Variants in ZNF678 observed in about 807,000 individuals in gnomAD.
The protein encoded by ZNF678 is hypothetical protein MGC42493.
ZNF678 carries 5 observed loss-of-function variants against 3.0 expected under a neutral mutation model. The ratio of observed to expected loss-of-function variants is 1.69; its 90% confidence interval spans 0.88 to 3.56. The LOEUF (loss-of-function observed/expected upper bound fraction) is 3.56, where lower values mean the gene tolerates loss of function less well. ZNF678 is among the 30% of genes most tolerant of loss of function. The pLI, the probability that ZNF678 is intolerant of heterozygous loss-of-function variation, is 0.00. For synonymous variants in ZNF678, 218 were observed against 199.6 expected, an observed-to-expected ratio of 1.09 and a Z score of -0.78; for missense variants, 593 against 605.0, an observed-to-expected ratio of 0.98 and a Z score of 0.21.
chr1:227,598,681 T>C (rs911119767), intron 1 of ZNF678: 11 of 524,694 alleles, frequency 2.1e-5, no homozygotes, highest in Non-Finnish European at 3.8e-5. Flanking sequence ...TCTTTTGACT[T>C]CTTTTTCTTT....
chr1:227,578,005 G>A (rs1291712559), intron 1 of ZNF678, among the ~76,000 whole-genome samples: 1 of 152,004 alleles, frequency 6.6e-6, no homozygotes. Flanking sequence ...ATCTTAATTT[G>A]GCCGAATATG....
intron 1 of ZNF678, among the ~76,000 whole-genome samples, chr1:227,591,499 C>A (rs190081153): frequency 3.9e-5 from 6 of 152,268 alleles, no homozygotes; most frequent in African/African-American, 1.4e-4. Context: ...AGAACCACAT[C>A]CTATTTTTAA....
Position 227,655,770 on chromosome 1 carries a change from A to G in ZNF678, c.1520A>G (p.Tyr507Cys). 1 of 1,603,476 alleles carries G rather than the reference A, an allele frequency of 6.2e-7. No individual in the cohort carries two copies. Among genetic ancestry groups the G allele is most frequent in the South Asian group, 1.1e-5 (1 of 88,928 alleles). ...TACCAATCCTCAATCCATAGTAAGT[A>G]TAAGAGAATTTATACTGGAGAGGAA... Reference protein sequence around the residue: ...GFYQSSIHSKYKRIYTGEEPD... With the variant: ...GFYQSSIHSKCKRIYTGEEPD... The change falls in exon 4 of 4, where the codon TAT becomes TGT. Residue 507 changes from tyrosine (Y) to cysteine (C), a missense_variant. Tyr to Cys is a radical substitution (Grantham distance 194). Coordinates refer to ENST00000343776, the MANE Select transcript of ZNF678 (RefSeq NM_001367909.1).
At chr1:227,585,787 A>G (rs532879350) in intron 1 of ZNF678, among the ~76,000 whole-genome samples, 2 of 152,024 alleles carry the variant, frequency 1.3e-5, no homozygotes, top group Non-Finnish European at 1.5e-5. Context: ...CCAAAAAAAA[A>G]CAAAAATGTG....
chr1:227,563,600 C>T lies in ZNF678; in HGVS notation c.-288C>T, dbSNP rs545789165. 14 of 1,047,518 alleles carry T rather than the reference C, an allele frequency of 1.3e-5. No homozygotes were observed. The highest frequency in any genetic ancestry group is 5.9e-5 in the East Asian group (1 of 16,860). 64.9% of individuals were successfully genotyped at this position (1,047,518 alleles called of 1,614,324 possible). On this transcript the variant is annotated 5_prime_UTR_variant, in exon 1 of 4. Transcript: ENST00000343776. The stretch of plus-strand genomic sequence containing the variant: ...TGGAGCTTTGGTCCCGTATTCTCGG[C>T]TATTTATCCCCAGCTGCGGGAGGCC...
chr1:227,645,749 G>C (rs910935966), intron 1 of ZNF678, among the ~76,000 whole-genome samples: 2 of 152,170 alleles, frequency 1.3e-5, no homozygotes, highest in African/African-American at 4.8e-5. Context: ...TGCTATCATA[G>C]CAATGATGTT....
At chr1:227,598,669 C>G in intron 1 of ZNF678, 1 of 532,350 alleles carries the variant, frequency 1.9e-6, no homozygotes, top group Non-Finnish European at 3.4e-6. Context: ...TTCTCCGTTG[C>G]ATCTTTTGAC....
intron 1 of ZNF678, among the ~76,000 whole-genome samples, chr1:227,604,886 C>T (rs545444643): frequency 5.9e-5 from 9 of 151,742 alleles, no homozygotes; most frequent in African/African-American, 1.9e-4. Flanking sequence ...GATGGAATTT[C>T]GTTTTGTCGC....
At chr1:227,611,336 A>G (rs1032599440) in intron 1 of ZNF678, among the ~76,000 whole-genome samples, 5 of 152,192 alleles carry the variant, frequency 3.3e-5, no homozygotes, top group Non-Finnish European at 5.9e-5. Context: ...ACAAGATTCA[A>G]GGACCTGCCA....
intron 1 of ZNF678, among the ~76,000 whole-genome samples, chr1:227,601,889 A>T (rs553816586): frequency 3.0e-4 from 46 of 152,230 alleles, no homozygotes; most frequent in African/African-American, 9.9e-4. Flanking sequence ...GGTGTATAGA[A>T]ATGCTAGTAA....
chr1:227,642,352 C>G lies in ZNF678; in HGVS notation c.-163-4192C>G, dbSNP rs115926579. On this transcript the variant is annotated intron_variant, in intron 1 of 3. Transcript: ENST00000343776. ...GGTAGAGCACCCTGTCTCAGAGTTT[C>G]TTTTGGAGAGTAAAGCCTACCTTCA... Among the ~76,000 whole-genome samples the G allele has an allele frequency of 4.0e-3, 615 of 152,294 alleles. 5 individuals carry two copies. Among genetic ancestry groups the G allele is most frequent in the African/African-American group, 0.014 (567 of 41,544 alleles).
rs1558158924 is a variant in ZNF678, at chr1:227,655,849, G to C, written c.*21G>C. ...TTTAAAAACTGCTTCATTATACATG[G>C]CTTCACTAATTTCATACTGAATAAA... is the stretch of plus-strand genomic sequence containing the variant. On this transcript the variant is annotated 3_prime_UTR_variant, in exon 4 of 4. Coordinates refer to ENST00000343776, the MANE Select transcript of ZNF678 (RefSeq NM_001367909.1). 6.5e-7 allele frequency: 1 copy of C among 1,537,940 alleles called. No homozygotes were observed. Among genetic ancestry groups the C allele is most frequent in the Non-Finnish European group, 8.7e-7 (1 of 1,148,310 alleles).
chr1:227,670,354 C>A (rs1387519696), intron 5 of ZNF678, among the ~76,000 whole-genome samples: 2 of 152,140 alleles, frequency 1.3e-5, no homozygotes, highest in African/African-American at 4.8e-5. Context: ...CTTAATAAAT[C>A]TGAATAAAGA....
chr1:227,607,126 G>A (rs1030822500), intron 1 of ZNF678, among the ~76,000 whole-genome samples: 1 of 152,078 alleles, frequency 6.6e-6, no homozygotes, highest in African/African-American at 2.4e-5. Flanking sequence ...ATTTTTAATT[G>A]ATTTAATCTC....
At chr1:227,574,526 G>GT (rs1306866601) in intron 1 of ZNF678, among the ~76,000 whole-genome samples, 1 of 150,204 alleles carries the variant, frequency 6.7e-6, no homozygotes, top group East Asian at 1.9e-4. Context: ...TTGTGTTTTG[G>GT]TTTTTTTTAA....
At chr1:227,643,631 T>C (rs1269628027) in intron 1 of ZNF678, among the ~76,000 whole-genome samples, 1 of 152,184 alleles carries the variant, frequency 6.6e-6, no homozygotes, top group Non-Finnish European at 1.5e-5. Context: ...GAAGACTATA[T>C]TTTGGTGCCT....
In ZNF678 at chr1:227,638,497, G is replaced by A. The variant is rs1250534089; in HGVS notation, c.-163-8047G>A. On this transcript the variant is annotated intron_variant, in intron 1 of 3. Transcript: ENST00000343776. This position sits in a 1 kb window ranked among gnomAD's most constrained non-coding sequence, Gnocchi z 4.2. The stretch of plus-strand genomic sequence containing the variant: ...GGGATGGGATACTGCTTCTGTGATA[G>A]AAACTGGGTGGGCTCTTTAAGGGTA... Among the ~76,000 whole-genome samples the A allele has an allele frequency of 6.6e-6, 1 of 152,212 alleles. No homozygotes were observed. Among genetic ancestry groups the A allele is most frequent in the East Asian group, 1.9e-4 (1 of 5,188 alleles).
intron 1 of ZNF678, among the ~76,000 whole-genome samples, chr1:227,609,225 C>T (rs986589653): frequency 2.0e-5 from 3 of 151,088 alleles, no homozygotes; most frequent in Non-Finnish European, 2.9e-5. Context: ...ACAGTCAAAA[C>T]ATTAATGCAT....
At chr1:227,626,649 C>T (rs1035659385) in intron 1 of ZNF678, among the ~76,000 whole-genome samples, 2 of 152,056 alleles carry the variant, frequency 1.3e-5, no homozygotes, top group Non-Finnish European at 2.9e-5. Flanking sequence ...GGGAGAGTTT[C>T]GGATTCTTAC....
Sources: gnomAD v4.1 joint callset for allele counts (sites outside exome capture counted in the v4.1 genomes callset) on GRCh38, gnomAD v4.1.1 for gene constraint, Gnocchi (gnomAD v3.1) non-coding constraint, MANE v1.5 for transcripts, NCBI Gene and HGNC (gene_info 2026-07-23, HGNC 2026-07-21) for gene names.